Variants in SEPTIN12 observed in about 807,000 individuals in gnomAD.
SEPTIN12 encodes the protein septin-12.
SEPTIN12 carries 42 observed loss-of-function variants against 37.7 expected under a neutral mutation model. That is an observed-to-expected ratio of 1.11 (90% CI 0.87 to 1.44). The LOEUF (loss-of-function observed/expected upper bound fraction) is 1.44. SEPTIN12 is among the 40% of genes most tolerant of loss of function. SEPTIN12 has a pLI of 0.00. For missense variants in SEPTIN12, 613 were observed against 479.2 expected, an observed-to-expected ratio of 1.28 and a Z score of -2.61; for synonymous variants, 254 against 196.7, an observed-to-expected ratio of 1.29 and a Z score of -2.44.
At chr16:4,791,079 C>A (rs1303957294), upstream of SEPTIN12, among the ~76,000 whole-genome samples, 1 of 152,200 alleles carries the variant, frequency 6.6e-6, no homozygotes. Flanking sequence ...CTGGGGATGT[C>A]CCCTAAGGAA....
rs1461196783 is a variant in SEPTIN12 at position 4,785,825 on chromosome 16, T to G, written c.356A>C (p.Gln119Pro). The change falls in exon 4 of 10, where the codon CAG becomes CCG. Residue 119 changes from glutamine to proline, a missense_variant. Physicochemically the swap from Gln to Pro is moderately conservative, Grantham distance 76. Coordinates refer to ENST00000268231, the MANE Select transcript of SEPTIN12 (RefSeq NM_144605.5). ...AACCTACCAGTTGTCATTGTTGATC[T>G]GGTCCCCGAAGCCGGGCGTGTCCGT... ...TVTDTPGFGD[Q>P]INNDNCWDPI... 1 of 1,610,890 alleles carries G rather than the reference T, an allele frequency of 6.2e-7. No individual in the cohort carries two copies. The highest frequency in any genetic ancestry group is 2.2e-5 in the East Asian group (1 of 44,816).
chr16:4,780,590 T>A (rs900602262), intron 7 of SEPTIN12, among the ~76,000 whole-genome samples: 4 of 152,228 alleles, frequency 2.6e-5, no homozygotes, highest in African/African-American at 9.6e-5. Flanking sequence ...GTTGTTTACT[T>A]GCTCATGGCC....
chr16:4,778,823 A>G (rs951381901), intron 8 of SEPTIN12, among the ~76,000 whole-genome samples: 1 of 148,878 alleles, frequency 6.7e-6, no homozygotes, highest in Non-Finnish European at 1.5e-5. Flanking sequence ...TATATAGTAT[A>G]GAATATTTCT....
At chr16:4,780,744 G>A (rs1567559682) in intron 7 of SEPTIN12, among the ~76,000 whole-genome samples, 1 of 152,102 alleles carries the variant, frequency 6.6e-6, no homozygotes, top group Non-Finnish European at 1.5e-5. Context: ...TTTGGGAGGT[G>A]AAGGCAGGCA....
At position 4,783,706 on chromosome 16, in the gene SEPTIN12, G is replaced by C. The variant is rs1243855099; in HGVS notation, c.573C>G (p.Pro191=). The change falls in exon 6 of 10, where the codon CCC becomes CCG. Residue 191 remains proline, a synonymous_variant. Coordinates refer to ENST00000268231, the MANE Select transcript of SEPTIN12 (RefSeq NM_144605.5). ...TCAGGCTGTCGGCCCTGGCAATCAC[G>C]GGCACCACATTCACAGTCCGGCACA... The part of the protein sequence containing the change: ...QRLCRTVNVV[P]VIARADSLTM... The C allele has an allele frequency of 3.1e-6, 5 of 1,614,064 alleles. No individual in the cohort carries two copies. The South Asian group carries it at 4.4e-5, about 14-fold the overall frequency.
Position 4,784,023 on chromosome 16 carries a change from G to T in SEPTIN12, c.420C>A (p.Tyr140Ter), listed in dbSNP as rs1171053168. 1.9e-6 allele frequency: 3 copies of T among 1,614,042 alleles called. No individual in the cohort carries two copies. Among genetic ancestry groups the T allele is most frequent in the Non-Finnish European group, 8.5e-7 (1 of 1,180,022 alleles). Residue 140 changes from tyrosine (Y) to a stop codon, truncating the protein, a stop_gained, in exon 5 of 10, where the codon TAC becomes TAA. Transcript: ENST00000268231. LOFTEE classifies it high-confidence loss of function. ...GGGTGATGAGGATCTCCTCCTGCAG[G>T]TACTGCTCGTATTGCTCGTTGATGT... ...LGYINEQYEQ[Y>*]LQEEILITRQ...
Position 4,777,717 on chromosome 16 carries a change from A to G in SEPTIN12, c.*80T>C. On this transcript the variant is annotated 3_prime_UTR_variant, in exon 10 of 10. Transcript: ENST00000268231. ...TCATAAAAAGCAAGGCTCACATTTA[A>G]TAGATGCTCTGGTACATAGGTGTGT... is the stretch of plus-strand genomic sequence containing the variant. The G allele has an allele frequency of 1.9e-6, 2 of 1,046,712 alleles. No individual in the cohort carries two copies. Among genetic ancestry groups the G allele is most frequent in the Non-Finnish European group, 2.7e-6 (2 of 733,388 alleles). The allele number at this position is 1,046,712 out of a possible 1,614,324, so 64.8% of individuals were successfully genotyped here. A position where few individuals can be genotyped will look rare whatever the true frequency, so the allele number is the denominator to read the frequency against.
At chr16:4,789,450 C>T (rs1392270693), upstream of SEPTIN12, among the ~76,000 whole-genome samples, 1 of 152,052 alleles carries the variant, frequency 6.6e-6, no homozygotes. Flanking sequence ...CTCAGCCTCC[C>T]GAGTAGCTGG....
Position 4,786,196 on chromosome 16 carries a change from C to T in SEPTIN12, c.167-91G>A, listed in dbSNP as rs924447196. The T allele has an allele frequency of 3.4e-6, 5 of 1,463,746 alleles. No individual in the cohort carries two copies. In the East Asian group the frequency reaches 7.0e-5, roughly 20 times the overall value. The allele number at this position is 1,463,746 out of a possible 1,614,324, so 90.7% of individuals were successfully genotyped here. ...TACTTTTCTATTTTATTTTTGGAGA[C>T]AGGTTCTCACTCTGTCACCCAGGCT... On this transcript the variant is annotated intron_variant, in intron 2 of 9. Transcript: ENST00000268231.
rs767212525 is a variant in SEPTIN12 at position 4,786,033 on chromosome 16, G to A, written c.239C>T (p.Pro80Leu). ...FKSKVWKSNP[P>L]GLGVPTPQTL... ...CTGGGGTGTGGGCACCCCCAAGCCCGGTGGGTTTGACTTCCACACTTTGGA... is the reference window on the plus strand; with the variant it reads ...CTGGGGTGTGGGCACCCCCAAGCCCAGTGGGTTTGACTTCCACACTTTGGA... The change falls in exon 3 of 10, where the codon CCG becomes CTG. Residue 80 changes from proline (P) to leucine (L), a missense_variant. Pro to Leu is a moderately conservative substitution (Grantham distance 98). Coordinates refer to ENST00000268231, the MANE Select transcript of SEPTIN12 (RefSeq NM_144605.5). 25 of 1,613,806 alleles carry A rather than the reference G, an allele frequency of 1.5e-5. No homozygotes were observed. The highest frequency in any genetic ancestry group is 3.3e-5 in the Admixed American group (2 of 59,954).
At chr16:4,784,206 G>A (rs901361247) in intron 4 of SEPTIN12, 138 bp from the exon 5 acceptor site, 51 of 888,414 alleles carry the variant, frequency 5.7e-5, no homozygotes, top group African/African-American at 2.0e-4. Flanking sequence ...GGGTCACCCC[G>A]GTACTTTCCC....
At chr16:4,791,265 G>A (rs1196342717), upstream of SEPTIN12, among the ~76,000 whole-genome samples, 1 of 152,196 alleles carries the variant, frequency 6.6e-6, no homozygotes, top group East Asian at 1.9e-4. Context: ...TCATCTGGAA[G>A]GTGCTCCCGG....
At position 4,782,487 on chromosome 16, in the gene SEPTIN12, A is replaced by G. The variant is rs573545635; in HGVS notation, c.726+975T>C. Among the ~76,000 whole-genome samples the G allele has an allele frequency of 5.9e-5, 9 of 152,296 alleles. No individual in the cohort carries two copies. In the East Asian group the frequency reaches 1.7e-3, roughly 29 times the overall value. ...CACGTAGGAGTTCAGTTGCTGGGTC[A>G]TAGAGTAACTGCATGTTTAAGCATT... On this transcript the variant is annotated intron_variant, in intron 7 of 9. Transcript: ENST00000268231.
At position 4,787,614 on chromosome 16, in the gene SEPTIN12, C is replaced by G. The variant is rs1249199804; in HGVS notation, c.32G>C (p.Cys11Ser). Reference sequence around the variant, plus strand: ...GGGGCTGGAGGGCTGCGAGGACAGGCAGGGAGAGGGGGAGCGCCTCAGGGG... The same window carrying G: ...GGGGCTGGAGGGCTGCGAGGACAGGGAGGGAGAGGGGGAGCGCCTCAGGGG... MDPLRRSPSP[C>S]LSSQPSSPST... Residue 11 changes from cysteine to serine, a missense_variant, in exon 2 of 10, where the codon TGC (cysteine) becomes TCC (serine). Physicochemically the swap from Cys to Ser is moderately radical, Grantham distance 112. Transcript: ENST00000268231. 2 of 1,601,648 alleles carry G rather than the reference C, an allele frequency of 1.2e-6. No individual in the cohort carries two copies. The highest frequency in any genetic ancestry group is 1.7e-6 in the Non-Finnish European group (2 of 1,178,594).
At position 4,779,736 on chromosome 16, in the gene SEPTIN12, G is replaced by A. The variant is rs150750343; in HGVS notation, c.777C>T (p.Asn259=). ...VVGADQEHLV[N]GRCVLGRKTK... The stretch of plus-strand genomic sequence containing the variant: ...TCTTCCGGCCCAGGACACACCTCCC[G>A]TTCACCAGGTGCTCTTGGTCAGCCC... Residue 259 remains asparagine (N), a synonymous_variant, in exon 8 of 10, where the codon AAC becomes AAT. Coordinates refer to ENST00000268231, the MANE Select transcript of SEPTIN12 (RefSeq NM_144605.5). The A allele has an allele frequency of 1.2e-4, 193 of 1,613,746 alleles. No individual in the cohort carries two copies. The highest frequency in any genetic ancestry group is 1.5e-4 in the Non-Finnish European group (176 of 1,179,804).
chr16:4,779,896 G>T lies in SEPTIN12; in HGVS notation c.727-110C>A, dbSNP rs149902216. 1.9e-3 allele frequency: 1,376 copies of T among 725,548 alleles called. 10 individuals carry two copies. The highest frequency in any genetic ancestry group is 0.018 in the African/African-American group (1,009 of 56,420). The allele number at this position is 725,548 out of a possible 1,614,324, so 44.9% of individuals were successfully genotyped here. A position where few individuals can be genotyped will look rare whatever the true frequency, so the allele number is the denominator to read the frequency against. On this transcript the variant is annotated intron_variant, in intron 7 of 9. Coordinates refer to ENST00000268231, the MANE Select transcript of SEPTIN12 (RefSeq NM_144605.5). ...GGGAGTCCTATCCTTTTCGAGGAGGGAACATGGTAGAAAGTGCACAGAATT... is the reference window on the plus strand; with the variant it reads ...GGGAGTCCTATCCTTTTCGAGGAGGTAACATGGTAGAAAGTGCACAGAATT...
chr16:4,790,668 G>C (rs1212586222), upstream of SEPTIN12, among the ~76,000 whole-genome samples: 1 of 152,154 alleles, frequency 6.6e-6, no homozygotes, highest in Non-Finnish European at 1.5e-5. Flanking sequence ...GGCACCTGTA[G>C]TCGCAGCTAC....
chr16:4,787,656 G>A lies in SEPTIN12; in HGVS notation c.-11C>T, dbSNP rs772056096. Reference sequence around the variant, plus strand: ...CCTCAGGGGGTCCATGGGGGCCAAGGGTTCGAGATGCCTGTCACCAGGTGG... The same window carrying A: ...CCTCAGGGGGTCCATGGGGGCCAAGAGTTCGAGATGCCTGTCACCAGGTGG... On this transcript the variant is annotated 5_prime_UTR_variant, in exon 2 of 10. Transcript: ENST00000268231. 2.6e-6 allele frequency: 4 copies of A among 1,519,238 alleles called. No individual in the cohort carries two copies. The highest frequency in any genetic ancestry group is 3.6e-6 in the Non-Finnish European group (4 of 1,118,478). 94.1% of individuals were successfully genotyped at this position (1,519,238 alleles called of 1,614,324 possible). A position where few individuals can be genotyped will look rare whatever the true frequency, so the allele number is the denominator to read the frequency against.
upstream of SEPTIN12, among the ~76,000 whole-genome samples, chr16:4,790,656 C>T (rs932589584): frequency 6.6e-5 from 10 of 152,090 alleles, no homozygotes; most frequent in African/African-American, 1.4e-4. Flanking sequence ...GGCTTGGTGG[C>T]GGGCACCTGT....
Sources: gnomAD v4.1 joint callset for allele counts (sites outside exome capture counted in the v4.1 genomes callset) on GRCh38, gnomAD v4.1.1 for gene constraint, MANE v1.5 for transcripts, NCBI Gene and HGNC (gene_info 2026-07-23, HGNC 2026-07-21) for gene names.